CACNA1E: variants seen among roughly 807,000 people sequenced by gnomAD.
CACNA1E encodes voltage-dependent R-type calcium channel subunit alpha-1E.
A neutral mutation model predicts 259.2 loss-of-function variants in CACNA1E; 40 were observed. The ratio of observed to expected loss-of-function variants is 0.15; its 90% confidence interval spans 0.12 to 0.20. The LOEUF (loss-of-function observed/expected upper bound fraction) is 0.20, where lower values mean the gene tolerates loss of function less well. CACNA1E is among the 10% of genes least tolerant of loss of function. The probability of loss-of-function intolerance (pLI) is 1.00; values close to 1 mark genes in which losing one functional copy is unlikely to be tolerated. For missense variants in CACNA1E, 1,874 were observed against 3,040.1 expected (o/e 0.62, Z 9.02); for synonymous variants, 1,104 against 1,138.5 (o/e 0.97, Z 0.61).
chr1:181,731,393 CT>C lies in CACNA1E; in HGVS notation c.2297+163del, dbSNP rs1655461445. Among the ~76,000 whole-genome samples the C allele has an allele frequency of 2.0e-5, 3 of 152,252 alleles. No homozygotes were observed. In the South Asian group the frequency reaches 6.2e-4, roughly 32 times the overall value. Reference sequence around the variant, plus strand: ...TTCACATGATCTGTGGATATGCCCTCTGCACCTCTCAACATTTGCTTATATC... The same window carrying C: ...TTCACATGATCTGTGGATATGCCCTCGCACCTCTCAACATTTGCTTATATC... On this transcript the variant is annotated intron_variant, in intron 19 of 47. Transcript: ENST00000367573.
chr1:181,479,881 C>A (rs942135317), upstream of CACNA1E, among the ~76,000 whole-genome samples: 1 of 152,190 alleles, frequency 6.6e-6, no homozygotes, highest in African/African-American at 2.4e-5. Context: ...CTTTGTCTGT[C>A]AAGGGTCGTG....
intron 37 of CACNA1E, among the ~76,000 whole-genome samples, chr1:181,775,663 GA>G (rs34256893): frequency 0.11 from 16,699 of 152,190 alleles, 1,054 homozygotes; most frequent in East Asian, 0.2. Context: ...AATGGTTGAG[GA>G]AAGAAAACAA....
At chr1:181,743,929 C>T (rs1261836066) in intron 25 of CACNA1E, among the ~76,000 whole-genome samples, 2 of 152,264 alleles carry the variant, frequency 1.3e-5, no homozygotes, top group African/African-American at 4.8e-5. Flanking sequence ...GCCCGTGCAT[C>T]AGTCAGTTAC....
At chr1:181,520,131 C>T (rs756599854) in intron 3 of CACNA1E, among the ~76,000 whole-genome samples, 72 of 152,254 alleles carry the variant, frequency 4.7e-4, no homozygotes, top group Non-Finnish European at 1.0e-3. Context: ...GGCACTTGCA[C>T]ATATTATTTT....
intron 6 of CACNA1E, among the ~76,000 whole-genome samples, chr1:181,595,602 C>A (rs1187713219): frequency 6.6e-6 from 1 of 152,168 alleles, no homozygotes; most frequent in African/African-American, 2.4e-5. Flanking sequence ...GCAGATTGCA[C>A]TGGAATGGTG....
chr1:181,383,633 C>T lies in CACNA1E; in HGVS notation c.-14-29500C>T, dbSNP rs150249491. ...TAGGATCATCAATCTGATTTTGTTC[C>T]AGAACTCAGTTGGGAAATTAGGTTT... On this transcript the variant is annotated intron_variant, in intron 1 of 11. Transcript: ENST00000524607. Among the ~76,000 whole-genome samples, 4 of 152,302 alleles carry T rather than the reference C, an allele frequency of 2.6e-5. No individual in the cohort carries two copies. The East Asian group carries it at 7.7e-4, about 29-fold the overall frequency.
intron 3 of CACNA1E, among the ~76,000 whole-genome samples, chr1:181,520,299 A>G (rs1666896362): frequency 1.3e-5 from 2 of 152,224 alleles, no homozygotes; most frequent in South Asian, 2.1e-4. Flanking sequence ...AGCCCTTGCT[A>G]TATCTAGTGT....
chr1:181,696,643 A>G (rs565439589), intron 7 of CACNA1E, among the ~76,000 whole-genome samples: 80 of 152,284 alleles, frequency 5.3e-4, no homozygotes, highest in African/African-American at 1.7e-3. Flanking sequence ...AGCTGTGACC[A>G]GGTGTATGTA....
chr1:181,728,109 A>G (rs1042674304), intron 18 of CACNA1E, among the ~76,000 whole-genome samples: 1 of 152,188 alleles, frequency 6.6e-6, no homozygotes, highest in Non-Finnish European at 1.5e-5. Flanking sequence ...GGCCTTGAGT[A>G]ATTTCTACTC....
chr1:181,778,516 G>A (rs1051704507), intron 38 of CACNA1E, among the ~76,000 whole-genome samples: 4 of 152,156 alleles, frequency 2.6e-5, no homozygotes, highest in Non-Finnish European at 5.9e-5. Context: ...AATTTCCAGC[G>A]GAAACCCTGG....
chr1:181,471,296 G>A (rs1662490834), intron 2 of CACNA1E, among the ~76,000 whole-genome samples: 1 of 152,142 alleles, frequency 6.6e-6, no homozygotes, highest in African/African-American at 2.4e-5. Context: ...CATAGCAAAG[G>A]GCAGTAGTAA....
intron 1 of CACNA1E, among the ~76,000 whole-genome samples, chr1:181,499,331 G>C (rs1261060735): frequency 6.6e-6 from 1 of 152,206 alleles, no homozygotes; most frequent in Non-Finnish European, 1.5e-5. Flanking sequence ...AAGATCTTTA[G>C]ATCCCTTTCT....
intron 1 of CACNA1E, among the ~76,000 whole-genome samples, chr1:181,375,042 C>G (rs1654996447): frequency 6.6e-6 from 1 of 152,148 alleles, no homozygotes; most frequent in South Asian, 2.1e-4. Context: ...AAAGTGGGTA[C>G]ACTATATGCC....
At chr1:181,523,553 C>T (rs1484168666) in intron 3 of CACNA1E, among the ~76,000 whole-genome samples, 2 of 152,040 alleles carry the variant, frequency 1.3e-5, no homozygotes, top group Non-Finnish European at 2.9e-5. Context: ...GGCAAGTGAC[C>T]CAGCTTCTGT....
At chr1:181,617,642 G>T (rs966845775) in intron 6 of CACNA1E, among the ~76,000 whole-genome samples, 1 of 152,122 alleles carries the variant, frequency 6.6e-6, no homozygotes, top group Non-Finnish European at 1.5e-5. Context: ...AGCAGTGAGG[G>T]GTGCCACAAG....
intron 1 of CACNA1E, among the ~76,000 whole-genome samples, chr1:181,394,564 A>G (rs1211736384): frequency 2.0e-5 from 3 of 152,198 alleles, no homozygotes; most frequent in African/African-American, 7.2e-5. Flanking sequence ...ACTATCATAA[A>G]CAAATACAGC....
intron 15 of CACNA1E, among the ~76,000 whole-genome samples, chr1:181,721,379 CT>C (rs1433442939): frequency 2.0e-5 from 3 of 152,190 alleles, no homozygotes; most frequent in African/African-American, 7.2e-5. Flanking sequence ...CCACAAGGCT[CT>C]TTCCAATCAT....
At chr1:181,468,829 G>T (rs1278683621) in intron 2 of CACNA1E, among the ~76,000 whole-genome samples, 1 of 152,056 alleles carries the variant, frequency 6.6e-6, no homozygotes, top group Non-Finnish European at 1.5e-5. Context: ...ATATGGAGGA[G>T]GTCAATTACA....
At chr1:181,479,479 G>C (rs906881495), upstream of CACNA1E, among the ~76,000 whole-genome samples, 8 of 152,150 alleles carry the variant, frequency 5.3e-5, no homozygotes, top group Admixed American at 5.2e-4. Context: ...TCCTTAATAG[G>C]ACAGTGGAAC....
Sources: allele counts gnomAD v4.1 joint callset (sites outside exome capture counted in the v4.1 genomes callset), GRCh38; gene constraint gnomAD v4.1.1; transcripts MANE v1.5; gene names NCBI Gene and HGNC (gene_info 2026-07-23, HGNC 2026-07-21).